OPCML: variants seen among roughly 807,000 people sequenced by gnomAD.
OPCML encodes opioid binding protein/cell adhesion molecule like.
A neutral mutation model predicts 37.8 loss-of-function variants in OPCML; 13 were observed. That is an observed-to-expected ratio of 0.34 (90% CI 0.22 to 0.55). The LOEUF is 0.55. OPCML is among the 20% of genes least tolerant of loss of function. OPCML has a pLI of 0.91. For missense variants in OPCML, 341 were observed against 435.6 expected, an observed-to-expected ratio of 0.78 and a Z score of 1.93; for synonymous variants, 176 against 168.8, an observed-to-expected ratio of 1.04 and a Z score of -0.33.
chr11:132,867,733 C>G (rs1181942274), intron 2 of OPCML, among the ~76,000 whole-genome samples: 1 of 152,146 alleles, frequency 6.6e-6, no homozygotes, highest in African/African-American at 2.4e-5. Context: ...ACTTTCCATT[C>G]CTTGGATCTC....
At chr11:133,336,365 A>G (rs1000350551) in intron 1 of OPCML, among the ~76,000 whole-genome samples, 32 of 147,410 alleles carry the variant, frequency 2.2e-4, no homozygotes, top group Middle Eastern at 3.5e-3. Flanking sequence ...CACTAATGGG[A>G]AAAAAAAAAG....
chr11:133,161,102 C>CCA lies in OPCML; in HGVS notation c.62-218094_62-218093dup, dbSNP rs549335288. On this transcript the variant is annotated intron_variant, in intron 1 of 7. Transcript: ENST00000524381. ...TATCTCTTAATCGACTAAAGGGAAT[C>CCA]CACAGGAGGATGTTCAGACAAGCCA... Among the ~76,000 whole-genome samples the CCA allele has an allele frequency of 3.3e-3, 496 of 152,318 alleles. 4 individuals are homozygous for CCA. Among genetic ancestry groups the CCA allele is most frequent in the African/African-American group, 0.012 (487 of 41,580 alleles).
chr11:133,221,669 C>A (rs534278108), intron 1 of OPCML, among the ~76,000 whole-genome samples: 12 of 152,230 alleles, frequency 7.9e-5, no homozygotes, highest in African/African-American at 2.6e-4. Context: ...GCTGCATTCA[C>A]CTCTGGATTA....
At chr11:133,259,473 G>C (rs560478580) in intron 1 of OPCML, among the ~76,000 whole-genome samples, 1 of 152,232 alleles carries the variant, frequency 6.6e-6, no homozygotes, top group African/African-American at 2.4e-5. Context: ...AGGCCACCCA[G>C]AACAGTATAT....
At chr11:133,317,440 GA>G (rs1943229874) in intron 1 of OPCML, among the ~76,000 whole-genome samples, 1 of 152,130 alleles carries the variant, frequency 6.6e-6, no homozygotes, top group South Asian at 2.1e-4. Context: ...GACTTATTTT[GA>G]AACACTGGTT....
intron 1 of OPCML, among the ~76,000 whole-genome samples, chr11:133,452,313 T>A (rs1245180015): frequency 6.7e-6 from 1 of 150,196 alleles, no homozygotes; most frequent in East Asian, 1.9e-4. Flanking sequence ...GCACAAACAG[T>A]GGTAGCATTT....
intron 1 of OPCML, among the ~76,000 whole-genome samples, chr11:133,215,235 A>T (rs1386726185): frequency 6.6e-6 from 1 of 152,058 alleles, no homozygotes; most frequent in Non-Finnish European, 1.5e-5. Context: ...AGAGAGAGAG[A>T]GGAAGGCCTG....
intron 1 of OPCML, among the ~76,000 whole-genome samples, chr11:133,337,039 G>A (rs1326941867): frequency 1.3e-5 from 2 of 152,160 alleles, no homozygotes; most frequent in Non-Finnish European, 2.9e-5. Flanking sequence ...CCTCACACAG[G>A]CACAGCATCT....
chr11:133,028,739 C>T (rs1321878785), intron 1 of OPCML, among the ~76,000 whole-genome samples: 2 of 152,014 alleles, frequency 1.3e-5, no homozygotes, highest in Non-Finnish European at 2.9e-5. Flanking sequence ...AAAGGTAAGA[C>T]TTCAAAATAT....
intron 2 of OPCML, among the ~76,000 whole-genome samples, chr11:132,902,718 C>G (rs1944104831): frequency 6.6e-6 from 1 of 152,142 alleles, no homozygotes. Flanking sequence ...GAGGGGCTCT[C>G]TCTTGAATTT....
At chr11:132,441,184 T>TTTTTTTTTTTTTTTTTTTTTTTTTC (rs2096032833) in intron 4 of OPCML, among the ~76,000 whole-genome samples, 1 of 122,604 alleles carries the variant, frequency 8.2e-6, no homozygotes, top group African/African-American at 3.6e-5. Flanking sequence ...TTTTTTTTTT[T>TTTTTTTTTTTTTTTTTTTTTTTTTC]TGAGACGGAG....
chr11:132,491,312 C>T (rs2137070097), intron 4 of OPCML, among the ~76,000 whole-genome samples: 1 of 152,374 alleles, frequency 6.6e-6, no homozygotes, highest in Middle Eastern at 3.4e-3. Context: ...AAACTCCTTA[C>T]AATGGCCTGG....
chr11:132,978,728 T>C (rs766984907), intron 1 of OPCML, among the ~76,000 whole-genome samples: 27 of 152,220 alleles, frequency 1.8e-4, no homozygotes, highest in Non-Finnish European at 4.4e-5. Context: ...TCTACTCTTA[T>C]GGCTTTAAAT....
At chr11:133,128,409 T>C (rs1454642510) in intron 1 of OPCML, among the ~76,000 whole-genome samples, 5 of 152,066 alleles carry the variant, frequency 3.3e-5, no homozygotes, top group African/African-American at 1.2e-4. Flanking sequence ...GATGAAAAAA[T>C]GGAAGGGGAA....
rs947227341 is a variant in OPCML at position 132,547,942 on chromosome 11, G to A, written c.380-18756C>T. Among the ~76,000 whole-genome samples the A allele has an allele frequency of 1.9e-4, 29 of 152,172 alleles. 2 individuals carry two copies. Among genetic ancestry groups the A allele is most frequent in the Non-Finnish European group, 2.9e-5 (2 of 68,028 alleles). Reference sequence around the variant, plus strand: ...TCCCAATGGATATCACTGCTCCTAAGGGTGTAAAAATGAGAGCTTAGACCT... The same window carrying A: ...TCCCAATGGATATCACTGCTCCTAAAGGTGTAAAAATGAGAGCTTAGACCT... On this transcript the variant is annotated intron_variant, in intron 3 of 7. Coordinates refer to ENST00000524381, the MANE Select transcript of OPCML (RefSeq NM_001012393.5).
chr11:133,451,046 A>G (rs1279131198), intron 1 of OPCML, among the ~76,000 whole-genome samples: 3 of 151,742 alleles, frequency 2.0e-5, no homozygotes, highest in Admixed American at 2.0e-4. Flanking sequence ...CCATTTTTAT[A>G]TTGAGTGTTT....
intron 2 of OPCML, among the ~76,000 whole-genome samples, chr11:132,877,405 A>G (rs1336097001): frequency 6.6e-6 from 1 of 152,220 alleles, no homozygotes; most frequent in Non-Finnish European, 1.5e-5. Flanking sequence ...TGCAGCACCC[A>G]GCACCAAGCA....
intron 1 of OPCML, among the ~76,000 whole-genome samples, chr11:133,390,832 A>G (rs375917478): frequency 6.6e-6 from 1 of 152,208 alleles, no homozygotes; most frequent in Non-Finnish European, 1.5e-5. Context: ...AAGTCAATGG[A>G]AGAAAAAGCT....
At chr11:132,570,791 ATATATATATATT>A (rs1163612722) in intron 3 of OPCML, among the ~76,000 whole-genome samples, 44 of 124,462 alleles carry the variant, frequency 3.5e-4, no homozygotes, top group South Asian at 8.0e-4. Context: ...ATATATATAT[ATATATATATATT>A]TAGAGAGAGA....
Sources: gnomAD v4.1 joint callset for allele counts (sites outside exome capture counted in the v4.1 genomes callset) on GRCh38, gnomAD v4.1.1 for gene constraint, MANE v1.5 for transcripts, NCBI Gene and HGNC (gene_info 2026-07-23, HGNC 2026-07-21) for gene names.